ARL6: variants seen among roughly 807,000 people sequenced by gnomAD.
ARL6 encodes the protein ARF like GTPase 6.
A neutral mutation model predicts 27.1 loss-of-function variants in ARL6; 18 were observed. The observed-to-expected ratio is 0.66, with a 90% CI of 0.46 to 0.98. The LOEUF is 0.98. Among genes scored for constraint, ARL6 ranks in the 50% least tolerant of loss-of-function variants. The pLI, the probability that ARL6 is intolerant of heterozygous loss-of-function variation, is 0.00. For missense variants in ARL6, 187 were observed against 214.9 expected, an observed-to-expected ratio of 0.87 and a Z score of 0.81; for synonymous variants, 65 against 72.3, an observed-to-expected ratio of 0.90 and a Z score of 0.51.
intron 7 of ARL6, 27 bp downstream of exon 7, chr3:97,791,853 C>T (rs1449407604): frequency 6.3e-7 from 1 of 1,597,254 alleles, no homozygotes; most frequent in South Asian, 1.1e-5. Context: ...TGTGTGTCTT[C>T]AGCCTTTGTT....
At chr3:97,797,225 G>C (rs1018965412) in intron 7 of ARL6, among the ~76,000 whole-genome samples, 16 of 152,154 alleles carry the variant, frequency 1.1e-4, no homozygotes, top group African/African-American at 3.6e-4. Context: ...AGGCAAAGTA[G>C]ATGGACTGTG....
At chr3:97,767,686 A>G (rs543467836) in intron 1 of ARL6, among the ~76,000 whole-genome samples, 2 of 152,296 alleles carry the variant, frequency 1.3e-5, no homozygotes, top group Admixed American at 6.5e-5. Context: ...TGCCTTCTAC[A>G]TGAACCCCAT....
At chr3:97,770,159 G>C (rs1378035871) in intron 2 of ARL6, among the ~76,000 whole-genome samples, 1 of 151,966 alleles carries the variant, frequency 6.6e-6, no homozygotes, top group Admixed American at 6.6e-5. Context: ...AACAATCTAC[G>C]AGAGTTCCCC....
At chr3:97,779,486 C>T (rs1007519367) in intron 2 of ARL6, among the ~76,000 whole-genome samples, 1 of 152,132 alleles carries the variant, frequency 6.6e-6, no homozygotes, top group Non-Finnish European at 1.5e-5. Flanking sequence ...CTATTTACAT[C>T]TTCTAGCTTG....
rs1450459486 is a variant in ARL6, at chr3:97,800,193, C to T, written c.*2144C>T. The T allele has an allele frequency of 6.6e-6, 1 of 152,032 alleles. No individual in the cohort carries two copies. Among genetic ancestry groups the T allele is most frequent in the Non-Finnish European group, 1.5e-5 (1 of 67,998 alleles). 9.4% of individuals were successfully genotyped at this position (152,032 alleles called of 1,614,324 possible). A position where few individuals can be genotyped will look rare whatever the true frequency, so the allele number is the denominator to read the frequency against. The stretch of plus-strand genomic sequence containing the variant: ...CCCTTTTTCTTTGTTTTCATGATCT[C>T]CAAAATCTAGTTTTTAGTCTATAAA... On this transcript the variant is annotated 3_prime_UTR_variant, in exon 8 of 8. Transcript: ENST00000463745.
chr3:97,775,811 T>C (rs7622083), intron 2 of ARL6, among the ~76,000 whole-genome samples: 109,608 of 152,078 alleles, frequency 0.72, 41,149 homozygotes, highest in East Asian at 0.85. Context: ...TTGATATGAT[T>C]TCTACCTTTT....
chr3:97,797,786 C>T (rs758587021), intron 7 of ARL6, among the ~76,000 whole-genome samples: 1 of 152,030 alleles, frequency 6.6e-6, no homozygotes, highest in Non-Finnish European at 1.5e-5. Flanking sequence ...GTAGCTGGAC[C>T]TGGTGCACAC....
intron 6 of ARL6, among the ~76,000 whole-genome samples, chr3:97,789,085 C>T (rs560304746): frequency 2.4e-4 from 37 of 152,238 alleles, no homozygotes; most frequent in African/African-American, 7.0e-4. Flanking sequence ...CTAGTTTTGG[C>T]GCTGAAAGAG....
intron 2 of ARL6, among the ~76,000 whole-genome samples, chr3:97,769,518 T>C (rs1576429064): frequency 6.6e-6 from 1 of 152,240 alleles, no homozygotes; most frequent in East Asian, 1.9e-4. Context: ...ACCTCAAAAA[T>C]TTATCTTTTT....
intron 2 of ARL6, among the ~76,000 whole-genome samples, chr3:97,770,874 T>A (rs958438151): frequency 1.1e-4 from 16 of 152,118 alleles, no homozygotes; most frequent in African/African-American, 3.9e-4. Flanking sequence ...CTTCTGTTGG[T>A]CTGTGTGTGT....
At chr3:97,791,007 C>G (rs2037706654) in intron 6 of ARL6, among the ~76,000 whole-genome samples, 1 of 152,034 alleles carries the variant, frequency 6.6e-6, no homozygotes, top group Admixed American at 6.5e-5. Context: ...ATCTGATCCT[C>G]TAAAAATCCT....
At position 97,768,071 on chromosome 3, in the gene ARL6, T is replaced by C; in HGVS notation, c.-27-10T>C. ...CCTTTGGGTAATATTTTATTTTTTC[T>C]TAATTGCAGCTGGTTTGTAAATATT... On this transcript the variant is annotated splice_polypyrimidine_tract_variant and intron_variant, in intron 1 of 7. Coordinates refer to ENST00000463745, the MANE Select transcript of ARL6 (RefSeq NM_001278293.3). The C allele has an allele frequency of 6.2e-7, 1 of 1,611,000 alleles. No individual in the cohort carries two copies. The highest frequency in any genetic ancestry group is 8.5e-7 in the Non-Finnish European group (1 of 1,177,824).
chr3:97,768,055 A>G, intron 1 of ARL6, 26 bp from the exon 2 acceptor site: 3 of 1,601,660 alleles, frequency 1.9e-6, no homozygotes, highest in Non-Finnish European at 2.6e-6. Context: ...GCCTTTGGGT[A>G]ATATTTTATT....
intron 2 of ARL6, among the ~76,000 whole-genome samples, chr3:97,776,056 G>T (rs1023297028): frequency 1.3e-5 from 2 of 152,138 alleles, no homozygotes; most frequent in African/African-American, 4.8e-5. Context: ...TGCTGTTATT[G>T]TATTGCAGTC....
At chr3:97,785,539 T>C (rs1264323425) in intron 5 of ARL6, among the ~76,000 whole-genome samples, 3 of 151,830 alleles carry the variant, frequency 2.0e-5, no homozygotes, top group Non-Finnish European at 4.4e-5. Flanking sequence ...TTGAGGACTG[T>C]GGGGACTATC....
chr3:97,793,137 T>C (rs987195851), intron 7 of ARL6, among the ~76,000 whole-genome samples: 1 of 152,240 alleles, frequency 6.6e-6, no homozygotes, highest in Non-Finnish European at 1.5e-5. Flanking sequence ...TATGGTGGTT[T>C]AGTTAACTGG....
chr3:97,790,051 TTGTGTGTGTG>T (rs3058067), intron 6 of ARL6, among the ~76,000 whole-genome samples: 20 of 137,144 alleles, frequency 1.5e-4, no homozygotes, highest in South Asian at 5.0e-4. Context: ...GGCATCATGA[TTGTGTGTGTG>T]TGTGTGTGTG....
intron 7 of ARL6, among the ~76,000 whole-genome samples, chr3:97,792,292 G>T (rs1279545593): frequency 6.6e-6 from 1 of 152,118 alleles, no homozygotes; most frequent in Non-Finnish European, 1.5e-5. Context: ...AGGAGATCGA[G>T]GCCAACATGG....
In ARL6 at chr3:97,798,008, T is replaced by C. The variant is rs1232251250; in HGVS notation, c.536-16T>C. On this transcript the variant is annotated splice_polypyrimidine_tract_variant and intron_variant, in intron 7 of 7. Coordinates refer to ENST00000463745, the MANE Select transcript of ARL6 (RefSeq NM_001278293.3). ...CCTATAGAGATTGATAATTTTTGTTTGTTTTTTGTTATCAGATCAGATCCA... is the reference window on the plus strand; with the variant it reads ...CCTATAGAGATTGATAATTTTTGTTCGTTTTTTGTTATCAGATCAGATCCA... 1.2e-6 allele frequency: 2 copies of C among 1,612,338 alleles called. No individual in the cohort carries two copies. The highest frequency in any genetic ancestry group is 2.7e-5 in the African/African-American group (2 of 75,000).
Sources: gnomAD v4.1 joint callset for allele counts (sites outside exome capture counted in the v4.1 genomes callset) on GRCh38, gnomAD v4.1.1 for gene constraint, MANE v1.5 for transcripts, NCBI Gene and HGNC (gene_info 2026-07-23, HGNC 2026-07-21) for gene names.